LHFPL6: variants seen among roughly 807,000 people sequenced by gnomAD.
LHFPL6 encodes the protein LHFPL tetraspan subfamily member 6 protein.
Under a neutral mutation model 20.6 loss-of-function variants are expected in LHFPL6, and 9 were observed. The observed-to-expected ratio is 0.44, with a 90% CI of 0.26 to 0.76. The LOEUF is 0.76. Ranked by LOEUF, LHFPL6 falls within the 30% of genes least tolerant of loss-of-function variation. The pLI is 0.20. For synonymous variants in LHFPL6, 105 were observed against 98.7 expected, an observed-to-expected ratio of 1.06 and a Z score of -0.38; for missense variants, 218 against 253.5, an observed-to-expected ratio of 0.86 and a Z score of 0.95.
intron 2 of LHFPL6, among the ~76,000 whole-genome samples, chr13:39,572,942 G>C (rs1172769716): frequency 6.6e-6 from 1 of 152,180 alleles, no homozygotes; most frequent in Non-Finnish European, 1.5e-5. Context: ...GGAAAGTAAT[G>C]AATAATGTTA....
At chr13:39,470,881 A>G (rs1872926524) in intron 2 of LHFPL6, among the ~76,000 whole-genome samples, 1 of 152,200 alleles carries the variant, frequency 6.6e-6, no homozygotes, top group South Asian at 2.1e-4. Flanking sequence ...GCGGCCCATC[A>G]TCACCGTGGT....
chr13:39,530,549 T>A (rs762973656), intron 2 of LHFPL6, among the ~76,000 whole-genome samples: 14 of 152,180 alleles, frequency 9.2e-5, no homozygotes, highest in Non-Finnish European at 1.9e-4. Flanking sequence ...AGCCTCTTTA[T>A]ATTCTAAATG....
chr13:39,592,315 A>G (rs1872631392), intron 2 of LHFPL6, among the ~76,000 whole-genome samples: 1 of 152,232 alleles, frequency 6.6e-6, no homozygotes, highest in African/African-American at 2.4e-5. Context: ...ACAGAAATAC[A>G]AACTACCATC....
intron 2 of LHFPL6, among the ~76,000 whole-genome samples, chr13:39,504,304 T>C (rs957263873): frequency 1.3e-5 from 2 of 152,262 alleles, no homozygotes; most frequent in Non-Finnish European, 2.9e-5. Context: ...AACATTATCA[T>C]TAATGACCAA....
intron 3 of LHFPL6, among the ~76,000 whole-genome samples, chr13:39,357,669 T>G (rs1869761400): frequency 1.3e-5 from 2 of 152,152 alleles, no homozygotes; most frequent in Non-Finnish European, 2.9e-5. Flanking sequence ...ACAAAATCAA[T>G]GCAGAAAAAT....
At chr13:39,545,225 G>T in intron 2 of LHFPL6, among the ~76,000 whole-genome samples, 1 of 126,516 alleles carries the variant, frequency 7.9e-6, no homozygotes, top group Non-Finnish European at 1.6e-5. Flanking sequence ...CAGCCTGGGT[G>T]ACAGAGCGAG....
intron 2 of LHFPL6, among the ~76,000 whole-genome samples, chr13:39,522,054 C>A (rs2138486388): frequency 6.6e-6 from 1 of 152,292 alleles, no homozygotes; most frequent in South Asian, 2.1e-4. Context: ...TCTTACTAAT[C>A]CACTATGTGC....
chr13:39,577,771 C>T (rs1293022678), intron 2 of LHFPL6, among the ~76,000 whole-genome samples: 1 of 151,956 alleles, frequency 6.6e-6, no homozygotes, highest in Non-Finnish European at 1.5e-5. Flanking sequence ...GTGGGACTAG[C>T]TACAGGTGCA....
chr13:39,397,908 G>C (rs1488389333), intron 2 of LHFPL6, among the ~76,000 whole-genome samples: 1 of 130,908 alleles, frequency 7.6e-6, no homozygotes, highest in Non-Finnish European at 1.7e-5. Flanking sequence ...GTCAGACTTT[G>C]TGTGTGTGTG....
intron 2 of LHFPL6, among the ~76,000 whole-genome samples, chr13:39,517,721 GTCTC>G (rs1869973373): frequency 6.6e-6 from 1 of 152,070 alleles, no homozygotes; most frequent in Admixed American, 6.5e-5. Context: ...TTGAGATAGG[GTCTC>G]TCTATGTTGC....
chr13:39,466,093 A>G (rs182894173), intron 2 of LHFPL6, among the ~76,000 whole-genome samples: 9 of 152,280 alleles, frequency 5.9e-5, no homozygotes, highest in Admixed American at 5.9e-4. Flanking sequence ...CCTCTTCATG[A>G]GAGAACAGCC....
chr13:39,596,639 T>A (rs1396418640), intron 2 of LHFPL6, among the ~76,000 whole-genome samples: 1 of 125,740 alleles, frequency 8.0e-6, no homozygotes, highest in Non-Finnish European at 1.6e-5. Flanking sequence ...ATTATAGTAA[T>A]CTATAAGGCA....
At chr13:39,412,870 C>G (rs368412190) in intron 2 of LHFPL6, among the ~76,000 whole-genome samples, 4 of 149,300 alleles carry the variant, frequency 2.7e-5, no homozygotes, top group South Asian at 4.2e-4. Context: ...TGCAGTGAGC[C>G]GAGATTGCAC....
At chr13:39,477,724 A>T (rs1873119272) in intron 2 of LHFPL6, among the ~76,000 whole-genome samples, 2 of 152,244 alleles carry the variant, frequency 1.3e-5, no homozygotes, top group African/African-American at 4.8e-5. Context: ...AATAACCTGT[A>T]TCTACTCCCT....
chr13:39,454,710 G>A (rs947153262), intron 2 of LHFPL6, among the ~76,000 whole-genome samples: 1 of 151,464 alleles, frequency 6.6e-6, no homozygotes, highest in Non-Finnish European at 1.5e-5. Context: ...TTGGTACTTA[G>A]GTCTTTTGGT....
chr13:39,376,048 T>C (rs896400620), intron 3 of LHFPL6, among the ~76,000 whole-genome samples: 7 of 152,302 alleles, frequency 4.6e-5, no homozygotes, highest in Non-Finnish European at 7.4e-5. Flanking sequence ...CAACGTTTAG[T>C]TTGACATTCA....
rs779904928 is a variant in LHFPL6, at chr13:39,343,949, T to C, written c.590A>G (p.His197Arg). 1.2e-6 allele frequency: 2 copies of C among 1,613,680 alleles called. No homozygotes were observed. The highest frequency in any genetic ancestry group is 1.7e-6 in the Non-Finnish European group (2 of 1,179,910). Residue 197 changes from histidine (H) to arginine (R), a missense_variant, in exon 4 of 4, where the codon CAC becomes CGC. Transcript: ENST00000379589. ...LACFSGKKQKHYPY is the reference protein window; with the variant it reads ...LACFSGKKQKRYPY ...GGTAGCTCCATCTCAGTATGGGTAG[T>C]GCTTCTGTTTCTTGCCCGAAAAGCA...
At chr13:39,516,948 G>A (rs1381615644) in intron 2 of LHFPL6, among the ~76,000 whole-genome samples, 5 of 152,162 alleles carry the variant, frequency 3.3e-5, no homozygotes, top group African/African-American at 4.8e-5. Context: ...TTTAATGCAC[G>A]CCACATGATG....
chr13:39,553,275 T>C (rs1007704708), intron 2 of LHFPL6, among the ~76,000 whole-genome samples: 3 of 152,188 alleles, frequency 2.0e-5, no homozygotes, highest in Non-Finnish European at 2.9e-5. Flanking sequence ...AAAAACCCCA[T>C]TCTTCAACCT....
Sources: gnomAD v4.1 joint callset for allele counts (sites outside exome capture counted in the v4.1 genomes callset) on GRCh38, gnomAD v4.1.1 for gene constraint, MANE v1.5 for transcripts, NCBI Gene and HGNC (gene_info 2026-07-23, HGNC 2026-07-21) for gene names.